PARP15: variants seen among roughly 807,000 people sequenced by gnomAD.
The protein encoded by PARP15 is protein mono-ADP-ribosyltransferase PARP15.
PARP15 carries 50 observed loss-of-function variants against 62.1 expected under a neutral mutation model. The ratio of observed to expected loss-of-function variants is 0.81; its 90% CI spans 0.64 to 1.02. PARP15 has a LOEUF of 1.02. Among genes scored for constraint, PARP15 ranks in the 50% least tolerant of loss-of-function variants. The probability of loss-of-function intolerance (pLI) is 0.00; values close to 1 mark genes in which losing one functional copy is unlikely to be tolerated. For synonymous variants in PARP15, 309 were observed against 293.1 expected, an observed-to-expected ratio of 1.05 and a Z score of -0.55; for missense variants, 820 against 826.5, an observed-to-expected ratio of 0.99 and a Z score of 0.10.
intron 1 of PARP15, among the ~76,000 whole-genome samples, chr3:122,580,840 C>CT (rs2080789190): frequency 6.6e-6 from 1 of 151,840 alleles, no homozygotes; most frequent in Admixed American, 6.6e-5. Context: ...TGTACAAATA[C>CT]AGTCATGCTC....
At chr3:122,617,521 A>G (rs1936060034) in intron 6 of PARP15, among the ~76,000 whole-genome samples, 1 of 152,072 alleles carries the variant, frequency 6.6e-6, no homozygotes, top group Non-Finnish European at 1.5e-5. Flanking sequence ...AAGTTCCTCT[A>G]TTTTTACTTT....
At chr3:122,587,015 A>G (rs977863183) in intron 1 of PARP15, among the ~76,000 whole-genome samples, 3 of 152,186 alleles carry the variant, frequency 2.0e-5, no homozygotes, top group Non-Finnish European at 4.4e-5. Flanking sequence ...CCTTTTCCAG[A>G]ATGTCATATA....
chr3:122,621,678 T>G lies in PARP15; in HGVS notation c.1231+67T>G, dbSNP rs542985663. On this transcript the variant is annotated intron_variant, in intron 8 of 11. Coordinates refer to ENST00000464300, the MANE Select transcript of PARP15 (RefSeq NM_001113523.3). ...AATTCCTTTAGAATTAGTCTCACTCTTAAGCAGATCAGTGCTGAATCCATC... is the reference window on the plus strand; with the variant it reads ...AATTCCTTTAGAATTAGTCTCACTCGTAAGCAGATCAGTGCTGAATCCATC... 1.2e-5 allele frequency: 17 copies of G among 1,429,318 alleles called. No homozygotes were observed. In the South Asian group the frequency reaches 2.3e-4, roughly 20 times the overall value. The allele number at this position is 1,429,318 out of a possible 1,614,324, so 88.5% of individuals were successfully genotyped here.
At chr3:122,630,669 ACT>A (rs1937012568) in intron 9 of PARP15, among the ~76,000 whole-genome samples, 2 of 152,114 alleles carry the variant, frequency 1.3e-5, no homozygotes, top group African/African-American at 4.8e-5. Context: ...ACAGAGTGAG[ACT>A]CTGTCTCAAA....
chr3:122,594,447 A>G, intron 1 of PARP15: 10 of 574,318 alleles, frequency 1.7e-5, no homozygotes, highest in Non-Finnish European at 2.2e-5. Flanking sequence ...ATTACAAAGT[A>G]GCTCCATGTC....
rs745671810 is a variant in PARP15, at chr3:122,610,595, G to C, written c.408G>C (p.Glu136Asp). ...LQKAGPMLQK[E>D]LDDRRRETEE... Reference sequence around the variant, plus strand: ...AAGCTGGTCCCATGCTCCAGAAAGAGTTAGATGACAGAAGGCGGGAAACAG... The same window carrying C: ...AAGCTGGTCCCATGCTCCAGAAAGACTTAGATGACAGAAGGCGGGAAACAG... The change falls in exon 3 of 12, where the codon GAG becomes GAC. Residue 136 changes from glutamate (E) to aspartate (D), a missense_variant. Physicochemically the swap from Glu to Asp is conservative, Grantham distance 45 (BLOSUM62 2). Coordinates refer to ENST00000464300, the MANE Select transcript of PARP15 (RefSeq NM_001113523.3). 1.3e-5 allele frequency: 20 copies of C among 1,551,796 alleles called. No homozygotes were observed. The South Asian group carries it at 2.1e-4, about 17-fold the overall frequency.
intron 1 of PARP15, among the ~76,000 whole-genome samples, chr3:122,580,180 G>C (rs985006743): frequency 6.6e-6 from 1 of 150,408 alleles, no homozygotes; most frequent in Non-Finnish European, 1.5e-5. Flanking sequence ...GGTGGAGTTG[G>C]TTGTTGTTCA....
Position 122,621,620 on chromosome 3 carries a change from C to T in PARP15, c.1231+9C>T, listed in dbSNP as rs761811321. The T allele has an allele frequency of 7.6e-6, 12 of 1,568,630 alleles. No individual in the cohort carries two copies. The highest frequency in any genetic ancestry group is 9.5e-6 in the Non-Finnish European group (11 of 1,161,904). ...TCCAGCCATTGGAACAGGTTTGCAG[C>T]TTATCATTCTATAATAAAATTTGAG... On this transcript the variant is annotated intron_variant, in intron 8 of 11. Coordinates refer to ENST00000464300, the MANE Select transcript of PARP15 (RefSeq NM_001113523.3).
intron 1 of PARP15, among the ~76,000 whole-genome samples, chr3:122,581,133 A>G (rs2080794725): frequency 6.6e-6 from 1 of 152,196 alleles, no homozygotes; most frequent in South Asian, 2.1e-4. Context: ...GAATTGCCTA[A>G]TAACACATTT....
chr3:122,623,051 A>G (rs1189156719), intron 8 of PARP15, among the ~76,000 whole-genome samples: 3 of 152,124 alleles, frequency 2.0e-5, no homozygotes, highest in African/African-American at 7.2e-5. Context: ...TTTGCAGTAC[A>G]TTCTTCCTGG....
At chr3:122,588,607 A>G (rs974267561) in intron 1 of PARP15, among the ~76,000 whole-genome samples, 8 of 152,126 alleles carry the variant, frequency 5.3e-5, no homozygotes, top group Admixed American at 1.3e-4. Flanking sequence ...GCAGTGAACC[A>G]TGATTGCGCC....
At chr3:122,633,953 G>T (rs928509334) in intron 10 of PARP15, among the ~76,000 whole-genome samples, 3 of 152,104 alleles carry the variant, frequency 2.0e-5, no homozygotes, top group African/African-American at 7.2e-5. Context: ...GCCTCAGCTG[G>T]ACCCTCCAGG....
At chr3:122,587,467 A>C (rs1304247277) in intron 1 of PARP15, among the ~76,000 whole-genome samples, 1 of 152,148 alleles carries the variant, frequency 6.6e-6, no homozygotes, top group African/African-American at 2.4e-5. Flanking sequence ...TGGTGTTGCC[A>C]ATGTTCTGGA....
intron 5 of PARP15, among the ~76,000 whole-genome samples, chr3:122,616,198 A>G (rs1158432290): frequency 6.6e-6 from 1 of 152,180 alleles, no homozygotes; most frequent in East Asian, 1.9e-4. Flanking sequence ...TTGCCACTGT[A>G]TAAACGTTGA....
At chr3:122,605,062 A>T (rs2107521428) in intron 1 of PARP15, among the ~76,000 whole-genome samples, 1 of 151,844 alleles carries the variant, frequency 6.6e-6, no homozygotes, top group East Asian at 1.9e-4. Context: ...AGAAAGAAAG[A>T]AAGTAAAGGA....
At chr3:122,596,249 G>A (rs1401463422) in intron 1 of PARP15, among the ~76,000 whole-genome samples, 1 of 149,928 alleles carries the variant, frequency 6.7e-6, no homozygotes, top group Non-Finnish European at 1.5e-5. Flanking sequence ...CCAGCTACTA[G>A]GAAGGCTGAG....
Position 122,624,150 on chromosome 3 carries a change from C to A in PARP15, c.1231+2539C>A, listed in dbSNP as rs564823137. On this transcript the variant is annotated intron_variant, in intron 8 of 11. Coordinates refer to ENST00000464300, the MANE Select transcript of PARP15 (RefSeq NM_001113523.3). The stretch of plus-strand genomic sequence containing the variant: ...TGGGCAACAAAGTGAGACTCTATCT[C>A]GGAAAAAAAAAAAGAAAGAAAGAAA... 2.0e-4 allele frequency among the ~76,000 whole-genome samples: 28 copies of A among 138,348 alleles called. No homozygotes were observed. The East Asian group carries it at 5.4e-3, about 27-fold the overall frequency. 90.8% of individuals were successfully genotyped at this position (138,348 alleles called of 152,430 possible).
intron 1 of PARP15, among the ~76,000 whole-genome samples, chr3:122,599,542 C>CCTT (rs397782569): frequency 5.1e-5 from 7 of 138,172 alleles, no homozygotes; most frequent in Admixed American, 3.7e-4. Flanking sequence ...CCTTTCCTTT[C>CCTT]TCTCTCTTTC....
At chr3:122,611,078 A>G (rs1935533354) in intron 3 of PARP15, among the ~76,000 whole-genome samples, 1 of 152,046 alleles carries the variant, frequency 6.6e-6, no homozygotes, top group Non-Finnish European at 1.5e-5. Flanking sequence ...ATTCATTGGG[A>G]TTCTACAGGA....
Sources: allele counts gnomAD v4.1 joint callset (sites outside exome capture counted in the v4.1 genomes callset), GRCh38; gene constraint gnomAD v4.1.1; transcripts MANE v1.5; gene names NCBI Gene and HGNC (gene_info 2026-07-23, HGNC 2026-07-21).